The following CNTN5 variants were observed in gnomAD, a reference collection of about 807,000 sequenced individuals.
The protein encoded by CNTN5 is contactin-5.
In CNTN5, 77 loss-of-function variants were observed where a neutral mutation model predicts 129.1. The ratio of observed to expected loss-of-function variants is 0.60; its 90% CI spans 0.50 to 0.72. The LOEUF (loss-of-function observed/expected upper bound fraction) is 0.72. Among genes scored for constraint, CNTN5 ranks in the 30% least tolerant of loss-of-function variants. CNTN5 has a pLI of 0.00. For missense variants in CNTN5, 1,478 were observed against 1,328.8 expected, an observed-to-expected ratio of 1.11 and a Z score of -1.75; for synonymous variants, 509 against 465.6, an observed-to-expected ratio of 1.09 and a Z score of -1.20.
At chr11:100,063,118 A>C (rs776958290) in intron 10 of CNTN5, among the ~76,000 whole-genome samples, 11 of 152,152 alleles carry the variant, frequency 7.2e-5, no homozygotes, top group Non-Finnish European at 1.5e-4. Context: ...CCACACCTAA[A>C]TAGAATTAGA....
intron 2 of CNTN5, among the ~76,000 whole-genome samples, chr11:99,408,939 A>C (rs1942260832): frequency 6.6e-6 from 1 of 152,170 alleles, no homozygotes; most frequent in African/African-American, 2.4e-5. Flanking sequence ...ATAATCTGCA[A>C]AATAAATCCC....
chr11:99,031,829 A>C (rs1305234287), intron 1 of CNTN5, among the ~76,000 whole-genome samples: 5 of 151,160 alleles, frequency 3.3e-5, no homozygotes, highest in Non-Finnish European at 5.9e-5. Flanking sequence ...GGTTAGTTAC[A>C]TATGTATACA....
intron 1 of CNTN5, among the ~76,000 whole-genome samples, chr11:99,246,437 T>C (rs1861820150): frequency 1.3e-5 from 2 of 152,142 alleles, no homozygotes; most frequent in Non-Finnish European, 1.5e-5. Context: ...AGATTAATGG[T>C]AGGTACGGAT....
At chr11:99,871,211 T>C (rs944601486) in intron 6 of CNTN5, among the ~76,000 whole-genome samples, 2 of 151,942 alleles carry the variant, frequency 1.3e-5, no homozygotes, top group Non-Finnish European at 2.9e-5. Flanking sequence ...TTGTAGAAAA[T>C]ATGACCACAA....
At chr11:100,329,677 G>T (rs973250836) in intron 21 of CNTN5, among the ~76,000 whole-genome samples, 2 of 152,194 alleles carry the variant, frequency 1.3e-5, no homozygotes, top group Admixed American at 1.3e-4. Flanking sequence ...TCCAATGCCA[G>T]CCAGAATACC....
intron 8 of CNTN5, among the ~76,000 whole-genome samples, chr11:99,975,447 G>T (rs1009970625): frequency 6.6e-6 from 1 of 152,032 alleles, no homozygotes; most frequent in Non-Finnish European, 1.5e-5. Context: ...AGGTAGTTTT[G>T]GCAAAATGCG....
intron 3 of CNTN5, among the ~76,000 whole-genome samples, chr11:99,629,158 T>C (rs921583629): frequency 2.0e-5 from 3 of 152,048 alleles, no homozygotes; most frequent in African/African-American, 7.2e-5. Context: ...ACTGTTAGCA[T>C]AGTAAGAGGC....
chr11:100,001,320 C>T (rs184640608), intron 8 of CNTN5, among the ~76,000 whole-genome samples: 13 of 152,240 alleles, frequency 8.5e-5, no homozygotes, highest in South Asian at 2.1e-4. Flanking sequence ...CTTACTATCA[C>T]GAGAACAGCA....
intron 3 of CNTN5, among the ~76,000 whole-genome samples, chr11:99,799,729 G>A (rs1026616466): frequency 6.6e-6 from 1 of 151,986 alleles, no homozygotes; most frequent in African/African-American, 2.4e-5. Context: ...TTTTTGTCAG[G>A]CTTTGGTAAC....
chr11:99,598,456 TCCTTTTTC>T (rs1591340007), intron 3 of CNTN5, among the ~76,000 whole-genome samples: 5 of 139,178 alleles, frequency 3.6e-5, no homozygotes, highest in Non-Finnish European at 3.1e-5. Context: ...CTTCCTTCCT[TCCTTTTTC>T]CCTTCCTTCT....
At chr11:99,543,084 T>G (rs1948168761) in intron 2 of CNTN5, among the ~76,000 whole-genome samples, 1 of 152,190 alleles carries the variant, frequency 6.6e-6, no homozygotes, top group Non-Finnish European at 1.5e-5. Context: ...CTGTTATATA[T>G]ATATTCCTGG....
intron 1 of CNTN5, among the ~76,000 whole-genome samples, chr11:99,236,787 C>T (rs552451113): frequency 6.6e-6 from 1 of 151,980 alleles, no homozygotes; most frequent in Non-Finnish European, 1.5e-5. Context: ...ATTTTCTTAA[C>T]AGTTTTATTT....
At chr11:99,693,316 C>T (rs1424733918) in intron 3 of CNTN5, among the ~76,000 whole-genome samples, 1 of 151,728 alleles carries the variant, frequency 6.6e-6, no homozygotes, top group Non-Finnish European at 1.5e-5. Flanking sequence ...CTAAATTATT[C>T]CAATTAAAAA....
chr11:99,620,432 T>C lies in CNTN5; in HGVS notation c.55+64163T>C, dbSNP rs1243477976. Reference sequence around the variant, plus strand: ...TATTGCAAATTCTTATGTCTTTCATTTGACATTTCAGTAGTATTTTGCTTT... The same window carrying C: ...TATTGCAAATTCTTATGTCTTTCATCTGACATTTCAGTAGTATTTTGCTTT... On this transcript the variant is annotated intron_variant, in intron 3 of 24. Coordinates refer to ENST00000524871, the MANE Select transcript of CNTN5 (RefSeq NM_014361.4). 2.0e-5 allele frequency among the ~76,000 whole-genome samples: 3 copies of C among 149,672 alleles called. No homozygotes were observed. The East Asian group carries it at 5.9e-4, about 29-fold the overall frequency.
At chr11:99,883,119 A>G (rs1304161605) in intron 6 of CNTN5, among the ~76,000 whole-genome samples, 4 of 152,088 alleles carry the variant, frequency 2.6e-5, no homozygotes, top group African/African-American at 9.7e-5. Context: ...TCATTCATCT[A>G]TTGATGGACA....
chr11:99,737,722 G>C (rs909763972), intron 3 of CNTN5, among the ~76,000 whole-genome samples: 2 of 152,034 alleles, frequency 1.3e-5, no homozygotes, highest in Non-Finnish European at 2.9e-5. Flanking sequence ...TCACACAAGA[G>C]TTATGAAGAT....
chr11:99,548,212 T>C (rs1037067593), intron 2 of CNTN5, among the ~76,000 whole-genome samples: 1 of 152,190 alleles, frequency 6.6e-6, no homozygotes, highest in African/African-American at 2.4e-5. Context: ...GAGGTATTTC[T>C]CTCCTGTCCT....
chr11:99,742,700 A>T (rs1333111128), intron 3 of CNTN5, among the ~76,000 whole-genome samples: 3 of 152,162 alleles, frequency 2.0e-5, no homozygotes, highest in Non-Finnish European at 1.5e-5. Flanking sequence ...CTGTGTTGAG[A>T]TAAGAAATTT....
intron 2 of CNTN5, among the ~76,000 whole-genome samples, chr11:99,410,985 A>T (rs1942364919): frequency 6.6e-6 from 1 of 152,234 alleles, no homozygotes; most frequent in South Asian, 2.1e-4. Flanking sequence ...TTATTTGCGT[A>T]TATTGAGCTG....
Sources: allele counts gnomAD v4.1 joint callset (sites outside exome capture counted in the v4.1 genomes callset), GRCh38; gene constraint gnomAD v4.1.1; transcripts MANE v1.5; gene names NCBI Gene and HGNC (gene_info 2026-07-23, HGNC 2026-07-21).